Variants in TRMT44 observed in about 807,000 individuals in gnomAD.
TRMT44 encodes tRNA methyltransferase 44 homolog, also known as probable tRNA (uracil-O(2)-)-methyltransferase.
Under a neutral mutation model 77.3 loss-of-function variants are expected in TRMT44, and 78 were observed. That is an observed-to-expected ratio of 1.01 (90% CI 0.84 to 1.22). The LOEUF (loss-of-function observed/expected upper bound fraction) is 1.22. Ranked by LOEUF, TRMT44 falls within the 50% of genes most tolerant of loss-of-function variation. TRMT44 has a pLI of 0.00. For missense variants in TRMT44, 1,090 were observed against 964.4 expected, an observed-to-expected ratio of 1.13 and a Z score of -1.73; for synonymous variants, 391 against 383.3, an observed-to-expected ratio of 1.02 and a Z score of -0.23.
chr4:8,496,811 C>T (rs931778417), downstream of TRMT44, among the ~76,000 whole-genome samples: 17 of 148,340 alleles, frequency 1.1e-4, no homozygotes, highest in East Asian at 9.8e-4. Context: ...TTTTAAAGCA[C>T]GAAATGGGGT....
intron 2 of TRMT44, among the ~76,000 whole-genome samples, chr4:8,490,939 C>T (rs536404078): frequency 2.6e-5 from 4 of 152,218 alleles, no homozygotes; most frequent in African/African-American, 7.2e-5. Context: ...AGAGTATCGA[C>T]ACAAAGGTTC....
Position 8,451,502 on chromosome 4 carries a change from G to A in TRMT44, c.955-458G>A, listed in dbSNP as rs561402927. 1.5e-4 allele frequency among the ~76,000 whole-genome samples: 23 copies of A among 152,314 alleles called. No homozygotes were observed. The highest frequency in any genetic ancestry group is 3.2e-4 in the Non-Finnish European group (22 of 68,020). On this transcript the variant is annotated intron_variant, in intron 3 of 10. Coordinates refer to ENST00000389737, the MANE Select transcript of TRMT44 (RefSeq NM_152544.3). This position sits in a 1 kb window ranked among gnomAD's most constrained non-coding sequence, Gnocchi z 4.1. ...CTTGATTATCCTGTGTGTTAGTTGA[G>A]GCATGGCTTTATCCCTGTTTGACAG... is the stretch of plus-strand genomic sequence containing the variant.
chr4:8,487,822 A>AC (rs1209030374), intron 2 of TRMT44, among the ~76,000 whole-genome samples: 1 of 152,146 alleles, frequency 6.6e-6, no homozygotes, highest in Non-Finnish European at 1.5e-5. Context: ...AGGGTGAAAG[A>AC]CCAAGGCAGG....
Position 8,475,811 on chromosome 4 carries a change from A to T in TRMT44, c.2084A>T (p.Glu695Val). Reference protein sequence around the residue: ...GRVHIRDWREETLWKTKQPEA... With the variant: ...GRVHIRDWREVTLWKTKQPEA... ...GTTCACATCCGCGACTGGCGAGAGG[A>T]GACACTGTGGAAGACAAAGCAACCG... Residue 695 changes from glutamate to valine, a missense_variant, in exon 11 of 11, where the codon GAG becomes GTG. Glu to Val is a moderately radical substitution (Grantham distance 121). Transcript: ENST00000389737. 1 of 1,614,134 alleles carries T rather than the reference A, an allele frequency of 6.2e-7. No individual in the cohort carries two copies. The highest frequency in any genetic ancestry group is 8.5e-7 in the Non-Finnish European group (1 of 1,180,042).
chr4:8,508,094 A>T, the TRMT44 span, among the ~76,000 whole-genome samples: 7 of 152,100 alleles, frequency 4.6e-5, no homozygotes, highest in African/African-American at 1.7e-4. Flanking sequence ...TGTAGTAGAG[A>T]TGGGGTTTCA....
At position 8,468,194 on chromosome 4, in the gene TRMT44, G is replaced by A; in HGVS notation, c.1775G>A (p.Arg592Lys). 3.1e-6 allele frequency: 5 copies of A among 1,614,226 alleles called. No homozygotes were observed. The highest frequency in any genetic ancestry group is 4.2e-6 in the Non-Finnish European group (5 of 1,180,044). Reference protein sequence around the residue: ...EGPWLPGFHPREKAERVRNCA... With the variant: ...EGPWLPGFHPKEKAERVRNCA... ...CCCTGGCTACCTGGATTTCATCCCA[G>A]AGAAAAGGCTGAGCGTGTGAGGAAC... Residue 592 changes from arginine (R) to lysine (K), a missense_variant, in exon 9 of 11, where the codon AGA (arginine) becomes AAA (lysine). Coordinates refer to ENST00000389737, the MANE Select transcript of TRMT44 (RefSeq NM_152544.3).
Position 8,471,155 on chromosome 4 carries a change from G to A in TRMT44, c.1999G>A (p.Gly667Arg), listed in dbSNP as rs148022470. The A allele has an allele frequency of 1.9e-6, 3 of 1,609,720 alleles. No homozygotes were observed. Among genetic ancestry groups the A allele is most frequent in the Non-Finnish European group, 2.5e-6 (3 of 1,177,800 alleles). Reference sequence around the variant, plus strand: ...CCTGCGGAGGCTGAAGCGGGAGTGTGGGGGCCTGCAGACGCTGCTCCGGAA... The same window carrying A: ...CCTGCGGAGGCTGAAGCGGGAGTGTAGGGGCCTGCAGACGCTGCTCCGGAA... ...ETLRRLKREC[G>R]GLQTLLRNSH... The change falls in exon 10 of 11, where the codon GGG becomes AGG. Residue 667 changes from glycine (G) to arginine (R), a missense_variant. By Grantham distance (125) the Gly-to-Arg change is moderately radical. Coordinates refer to ENST00000389737, the MANE Select transcript of TRMT44 (RefSeq NM_152544.3).
At chr4:8,474,872 C>T (rs73802003) in intron 10 of TRMT44, among the ~76,000 whole-genome samples, 4,533 of 152,230 alleles carry the variant, frequency 0.03, 200 homozygotes, top group African/African-American at 0.1. Flanking sequence ...AGGAGGCCTG[C>T]GAGGCCTGGG....
chr4:8,453,779 AGG>A (rs1016406068), intron 5 of TRMT44: 1 of 152,250 alleles, frequency 6.6e-6, no homozygotes, highest in African/African-American at 2.4e-5. Flanking sequence ...ACTTCCTGCT[AGG>A]GGGCAACAGC....
At chr4:8,467,516 CTT>C (rs1482561775) in intron 8 of TRMT44, among the ~76,000 whole-genome samples, 1 of 152,202 alleles carries the variant, frequency 6.6e-6, no homozygotes, top group African/African-American at 2.4e-5. Flanking sequence ...AGTTTTTGCT[CTT>C]GTCACCCAGG....
Position 8,452,841 on chromosome 4 carries a change from G to A in TRMT44, c.1024-41G>A. ...TGTCTAAATTATTCTTGCGTAGAGT[G>A]AATTACCACCTGACTTTGTTTTGTT... On this transcript the variant is annotated intron_variant, in intron 4 of 10. Transcript: ENST00000389737. The surrounding 1 kb of genome is among the most constrained non-coding windows in gnomAD (Gnocchi z 5.7). 8.1e-7 allele frequency: 1 copy of A among 1,241,598 alleles called. No homozygotes were observed. The highest frequency in any genetic ancestry group is 1.1e-6 in the Non-Finnish European group (1 of 895,584). The allele number at this position is 1,241,598 out of a possible 1,614,324, so 76.9% of individuals were successfully genotyped here.
At chr4:8,442,876 C>T (rs190963413) in intron 1 of TRMT44, among the ~76,000 whole-genome samples, 1 of 152,226 alleles carries the variant, frequency 6.6e-6, no homozygotes, top group Admixed American at 6.5e-5. Context: ...ATTCTCTGCT[C>T]TTCGTGGCCC....
chr4:8,484,860 A>C (rs62287399), intron 2 of TRMT44, among the ~76,000 whole-genome samples: 4,134 of 152,246 alleles, frequency 0.027, 69 homozygotes, highest in South Asian at 0.04. Context: ...GGTTTGAGAG[A>C]TTAGTTGGAC....
intron 10 of TRMT44, among the ~76,000 whole-genome samples, chr4:8,471,594 C>T (rs1229771375): frequency 6.6e-6 from 1 of 152,250 alleles, no homozygotes; most frequent in Non-Finnish European, 1.5e-5. Flanking sequence ...TCCTGAGCCA[C>T]AGAGCCAGGG....
chr4:8,465,424 G>A lies in TRMT44; in HGVS notation c.1357G>A (p.Asp453Asn). 7 of 1,613,754 alleles carry A rather than the reference G, an allele frequency of 4.3e-6. No homozygotes were observed. The highest frequency in any genetic ancestry group is 5.9e-6 in the Non-Finnish European group (7 of 1,179,914). The part of the protein sequence containing the change: ...RFFVLPCCFF[D>N]FIGRYSRRQS... The stretch of plus-strand genomic sequence containing the variant: ...CTTTGTCCTCCCCTGCTGCTTCTTT[G>A]ACTTCATTGGAAGATACTCCCGGAG... Residue 453 changes from aspartate (D) to asparagine (N), a missense_variant, in exon 8 of 11, where the codon GAC becomes AAC. By Grantham distance (23) the Asp-to-Asn change is conservative. Transcript: ENST00000389737.
chr4:8,446,252 CA>C lies in TRMT44; in HGVS notation c.620-222del, dbSNP rs1224724654. Reference sequence around the variant, plus strand: ...CTCAGGTCCTGGCTCATGCATCTCTCAACAGATACTTGCAGAGAATGGCTGC... The same window carrying C: ...CTCAGGTCCTGGCTCATGCATCTCTCACAGATACTTGCAGAGAATGGCTGC... On this transcript the variant is annotated intron_variant, in intron 1 of 10. Coordinates refer to ENST00000389737, the MANE Select transcript of TRMT44 (RefSeq NM_152544.3). The surrounding 1 kb of genome is among the most constrained non-coding windows in gnomAD (Gnocchi z 4.3). Among the ~76,000 whole-genome samples the C allele has an allele frequency of 1.3e-5, 2 of 152,206 alleles. No homozygotes were observed. Among genetic ancestry groups the C allele is most frequent in the African/African-American group, 4.8e-5 (2 of 41,440 alleles).
chr4:8,467,038 C>T (rs1255852802), intron 8 of TRMT44, among the ~76,000 whole-genome samples: 1 of 152,180 alleles, frequency 6.6e-6, no homozygotes, highest in Non-Finnish European at 1.5e-5. Context: ...CTTGCTGGGG[C>T]TGGGCAGGGC....
intron 8 of TRMT44, among the ~76,000 whole-genome samples, chr4:8,466,320 C>G (rs965374627): frequency 1.3e-5 from 2 of 151,244 alleles, no homozygotes; most frequent in South Asian, 4.2e-4. Context: ...GTGGTGCACT[C>G]GGGCTGATCG....
At chr4:8,486,487 T>C (rs1373447599) in intron 2 of TRMT44, among the ~76,000 whole-genome samples, 1 of 152,152 alleles carries the variant, frequency 6.6e-6, no homozygotes, top group African/African-American at 2.4e-5. Context: ...TTGGATTTTA[T>C]TTATTTGGAT....
Sources: allele counts gnomAD v4.1 joint callset (sites outside exome capture counted in the v4.1 genomes callset), GRCh38; gene constraint gnomAD v4.1.1; non-coding constraint Gnocchi (gnomAD v3.1); transcripts MANE v1.5; gene names NCBI Gene and HGNC (gene_info 2026-07-23, HGNC 2026-07-21).